SCYL2: variants seen among roughly 807,000 people sequenced by gnomAD.
SCYL2 encodes the protein SCY1 like pseudokinase 2, also known as SCY1-like protein 2.
In SCYL2, 36 loss-of-function variants were observed where a neutral mutation model predicts 100.4. The observed-to-expected ratio is 0.36, with a 90% CI of 0.27 to 0.47. The LOEUF (loss-of-function observed/expected upper bound fraction) is 0.47. SCYL2 is among the 20% of genes least tolerant of loss of function. SCYL2 has a pLI of 1.00. For synonymous variants in SCYL2, 330 were observed against 359.2 expected (o/e 0.92, Z 0.92); for missense variants, 902 against 1,083.9 (o/e 0.83, Z 2.36).
chr12:100,282,940 T>C lies in SCYL2; in HGVS notation c.-28-3T>C. On this transcript the variant is annotated splice_region_variant and splice_polypyrimidine_tract_variant and intron_variant, in intron 1 of 17. Coordinates refer to ENST00000360820, the MANE Select transcript of SCYL2 (RefSeq NM_017988.6). ...GTTCTCCACTATCCTTCTGTTTTTC[T>C]AGGTAACTATAACTACCCAATATTG... The C allele has an allele frequency of 6.9e-7, 1 of 1,445,358 alleles. No homozygotes were observed. The highest frequency in any genetic ancestry group is 9.5e-7 in the Non-Finnish European group (1 of 1,056,816). The allele number at this position is 1,445,358 out of a possible 1,614,324, so 89.5% of individuals were successfully genotyped here.
chr12:100,334,793 C>T (rs1162862352), intron 14 of SCYL2, among the ~76,000 whole-genome samples: 6 of 152,006 alleles, frequency 3.9e-5, no homozygotes, highest in Admixed American at 2.6e-4. Context: ...AGATGGAAAT[C>T]GTTGACTGTT....
At chr12:100,326,812 T>C (rs1952136291) in intron 12 of SCYL2, 58 bp downstream of exon 12, 4 of 1,469,908 alleles carry the variant, frequency 2.7e-6, no homozygotes, top group Non-Finnish European at 3.7e-6. Flanking sequence ...AATTTTCCAA[T>C]CTATAAAACA....
chr12:100,338,068 AC>A (rs1048043922), intron 17 of SCYL2, among the ~76,000 whole-genome samples: 1 of 152,018 alleles, frequency 6.6e-6, no homozygotes, highest in African/African-American at 2.4e-5. Flanking sequence ...TTTTTTTGTT[AC>A]CTCTTAATCA....
At chr12:100,291,444 A>C in intron 2 of SCYL2, 59 bp from the exon 3 acceptor site, 4 of 1,141,204 alleles carry the variant, frequency 3.5e-6, no homozygotes, top group Non-Finnish European at 4.9e-6. Flanking sequence ...TGTGACATTC[A>C]TATAATTTTA....
At chr12:100,300,177 T>C (rs1486824163) in intron 4 of SCYL2, among the ~76,000 whole-genome samples, 1 of 152,204 alleles carries the variant, frequency 6.6e-6, no homozygotes, top group African/African-American at 2.4e-5. Context: ...AAATATCTCT[T>C]CAGATACTTT....
At position 100,267,180 on chromosome 12, in the gene SCYL2, CT is replaced by C. The variant is rs1336828857; in HGVS notation, c.-636del. 8.0e-6 allele frequency: 10 copies of C among 1,254,872 alleles called. No homozygotes were observed. The highest frequency in any genetic ancestry group is 1.5e-5 in the African/African-American group (1 of 67,030). 77.7% of individuals were successfully genotyped at this position (1,254,872 alleles called of 1,614,324 possible). ...GCCCCCGGCCGGCAGGTCTTTTAGT[CT>C]TTTTCCCCCTCCCTTACTCTTCGTC... On this transcript the variant is annotated 5_prime_UTR_variant, in exon 1 of 18. Coordinates refer to ENST00000360820, the MANE Select transcript of SCYL2 (RefSeq NM_017988.6).
intron 11 of SCYL2, among the ~76,000 whole-genome samples, chr12:100,325,776 C>T (rs567731451): frequency 1.2e-4 from 19 of 152,090 alleles, no homozygotes; most frequent in African/African-American, 4.3e-4. Context: ...CAGTAGAATG[C>T]AGCTGTTCCT....
At chr12:100,311,937 T>G (rs2135900711) in intron 5 of SCYL2, among the ~76,000 whole-genome samples, 1 of 152,304 alleles carries the variant, frequency 6.6e-6, no homozygotes, top group East Asian at 1.9e-4. Flanking sequence ...ATTTGTAAGT[T>G]GAGCAGCCAG....
chr12:100,323,735 G>T (rs909435647), intron 11 of SCYL2, 97 bp downstream of exon 11: 134 of 660,724 alleles, frequency 2.0e-4, no homozygotes, highest in Non-Finnish European at 4.1e-5. Context: ...GATTGTTGAT[G>T]TATTTCATCT....
Position 100,314,461 on chromosome 12 carries a change from C to T in SCYL2, c.970-28C>T, listed in dbSNP as rs768340799. The T allele has an allele frequency of 5.9e-6, 9 of 1,522,176 alleles. No homozygotes were observed. The Admixed American group carries it at 1.5e-4, about 25-fold the overall frequency. 94.3% of individuals were successfully genotyped at this position (1,522,176 alleles called of 1,614,324 possible). Reference sequence around the variant, plus strand: ...GAAGTACTTTCAATTTAACATTTATCAAAATACTTTATTTCCATTTTTTTT... The same window carrying T: ...GAAGTACTTTCAATTTAACATTTATTAAAATACTTTATTTCCATTTTTTTT... On this transcript the variant is annotated intron_variant, in intron 7 of 17. Transcript: ENST00000360820.
In SCYL2 at chr12:100,335,635, A is replaced by G. The variant is rs1314896499; in HGVS notation, c.1873A>G (p.Ile625Val). ...TCAACTCTCCTACAGATCTTTGGAT[A>G]TAGGAAATCAAATGAATGTTTCTGA... is the stretch of plus-strand genomic sequence containing the variant. ...IMQEQQKSLD[I>V]GNQMNVSEEM... The change falls in exon 15 of 18, where the codon ATA (isoleucine) becomes GTA (valine). Residue 625 changes from isoleucine to valine, a missense_variant. By Grantham distance (29) the Ile-to-Val change is conservative. Coordinates refer to ENST00000360820, the MANE Select transcript of SCYL2 (RefSeq NM_017988.6). The G allele has an allele frequency of 1.9e-6, 3 of 1,602,120 alleles. No homozygotes were observed. Among genetic ancestry groups the G allele is most frequent in the South Asian group, 2.2e-5 (2 of 89,764 alleles).
intron 1 of SCYL2, among the ~76,000 whole-genome samples, chr12:100,282,091 CTT>C (rs887607186): frequency 2.2e-4 from 33 of 152,074 alleles, no homozygotes; most frequent in African/African-American, 8.0e-4. Flanking sequence ...GATCTCGACT[CTT>C]GACTCACTGC....
Position 100,268,513 on chromosome 12 carries a change from A to G in SCYL2, c.-29+721A>G, listed in dbSNP as rs761742088. On this transcript the variant is annotated intron_variant, in intron 1 of 17. Coordinates refer to ENST00000360820, the MANE Select transcript of SCYL2 (RefSeq NM_017988.6). ...CTTGAGGCAACATTAAACTGTAATC[A>G]TAAAGAATGCTTTTGGGGGATTGTG... Among the ~76,000 whole-genome samples the G allele has an allele frequency of 6.6e-5, 10 of 152,230 alleles. No individual in the cohort carries two copies. The South Asian group carries it at 1.2e-3, about 19-fold the overall frequency.
chr12:100,301,124 C>T (rs1469579845), intron 4 of SCYL2, among the ~76,000 whole-genome samples: 4 of 152,130 alleles, frequency 2.6e-5, no homozygotes, highest in Non-Finnish European at 4.4e-5. Flanking sequence ...CAACAGTGTA[C>T]GAGGGTTCTA....
intron 2 of SCYL2, among the ~76,000 whole-genome samples, chr12:100,285,898 A>G (rs898589145): frequency 6.6e-6 from 1 of 152,146 alleles, no homozygotes; most frequent in Admixed American, 6.5e-5. Flanking sequence ...TTTAAGTTAT[A>G]CTTTATTTAA....
At chr12:100,271,281 A>AAGAG (rs1555315695) in intron 1 of SCYL2, among the ~76,000 whole-genome samples, 13 of 128,946 alleles carry the variant, frequency 1.0e-4, no homozygotes, top group African/African-American at 3.3e-4. Flanking sequence ...AAAAAAAAAA[A>AAGAG]AGAGAGAGAG....
In SCYL2 at chr12:100,339,309, A is replaced by C; in HGVS notation, c.*137A>C. 1 of 843,776 alleles carries C rather than the reference A, an allele frequency of 1.2e-6. No homozygotes were observed. The highest frequency in any genetic ancestry group is 1.8e-6 in the Non-Finnish European group (1 of 554,136). The allele number at this position is 843,776 out of a possible 1,614,324, so 52.3% of individuals were successfully genotyped here. On this transcript the variant is annotated 3_prime_UTR_variant, in exon 18 of 18. Coordinates refer to ENST00000360820, the MANE Select transcript of SCYL2 (RefSeq NM_017988.6). ...TCTGTGACAGGAAACATCTCTGTCC[A>C]TGCCAGCATAGTAGTTGTATGGACT...
intron 11 of SCYL2, 121 bp downstream of exon 11, chr12:100,323,759 C>T (rs541316484): frequency 6.7e-6 from 4 of 597,390 alleles, no homozygotes; most frequent in Non-Finnish European, 1.2e-5. Context: ...CTGTAGATAA[C>T]TTGTATATAG....
Position 100,317,794 on chromosome 12 carries a change from T to C in SCYL2, c.1273-9T>C. The C allele has an allele frequency of 6.3e-7, 1 of 1,587,146 alleles. No individual in the cohort carries two copies. ...AGGTTTTAATACATTGTTTCCGTTTTCTAAACAGATTTTGTTAATTTTCCT... is the reference window on the plus strand; with the variant it reads ...AGGTTTTAATACATTGTTTCCGTTTCCTAAACAGATTTTGTTAATTTTCCT... On this transcript the variant is annotated splice_polypyrimidine_tract_variant and intron_variant, in intron 9 of 17. Coordinates refer to ENST00000360820, the MANE Select transcript of SCYL2 (RefSeq NM_017988.6).
Sources: gnomAD v4.1 joint callset for allele counts (sites outside exome capture counted in the v4.1 genomes callset) on GRCh38, gnomAD v4.1.1 for gene constraint, MANE v1.5 for transcripts, NCBI Gene and HGNC (gene_info 2026-07-23, HGNC 2026-07-21) for gene names.